Variants in MACROD2 observed in about 807,000 individuals in gnomAD.
The protein encoded by MACROD2 is ADP-ribose glycohydrolase MACROD2.
Under a neutral mutation model 70.4 loss-of-function variants are expected in MACROD2, and 36 were observed. The observed-to-expected ratio is 0.51, with a 90% CI of 0.39 to 0.68. MACROD2 has a LOEUF of 0.68. MACROD2 is among the 30% of genes least tolerant of loss of function. The pLI is 0.00. For missense variants in MACROD2, 496 were observed against 538.4 expected, an observed-to-expected ratio of 0.92 and a Z score of 0.78; for synonymous variants, 172 against 178.8, an observed-to-expected ratio of 0.96 and a Z score of 0.30.
chr20:15,111,439 G>T (rs1391576253), intron 5 of MACROD2, among the ~76,000 whole-genome samples: 2 of 151,928 alleles, frequency 1.3e-5, no homozygotes, highest in Non-Finnish European at 2.9e-5. Flanking sequence ...CAAAGTGCTG[G>T]GATTACAGGG....
At chr20:14,992,600 A>G (rs546121972) in intron 5 of MACROD2, among the ~76,000 whole-genome samples, 1 of 152,186 alleles carries the variant, frequency 6.6e-6, no homozygotes, top group East Asian at 1.9e-4. Context: ...AATTTACACA[A>G]ATTATTTTCT....
chr20:16,029,041 T>C (rs571041945), intron 15 of MACROD2, among the ~76,000 whole-genome samples: 6 of 152,320 alleles, frequency 3.9e-5, no homozygotes, highest in African/African-American at 1.4e-4. Flanking sequence ...ATTTGGTTTC[T>C]GGTGAAAATT....
chr20:14,059,033 A>G (rs1291378629), intron 2 of MACROD2, among the ~76,000 whole-genome samples: 3 of 151,974 alleles, frequency 2.0e-5, no homozygotes, highest in Non-Finnish European at 4.4e-5. Context: ...TTTTCTTTCT[A>G]CGTGTGTAGA....
In MACROD2 at chr20:15,984,360, A is replaced by G. The variant is rs957696960; in HGVS notation, c.986-2367A>G. 3.0e-4 allele frequency among the ~76,000 whole-genome samples: 45 copies of G among 151,976 alleles called. 1 individual carries two copies. The highest frequency in any genetic ancestry group is 2.9e-3 in the Admixed American group (45 of 15,272). ...ATCCACATTTTTATGTCCCTTTATA[A>G]TTTTTTTACTAAAGGTATATTTTAC... is the stretch of plus-strand genomic sequence containing the variant. On this transcript the variant is annotated intron_variant, in intron 13 of 17. Coordinates refer to ENST00000684519, the MANE Select transcript of MACROD2 (RefSeq NM_001351661.2).
chr20:16,041,522 G>A (rs2067307509), intron 16 of MACROD2, among the ~76,000 whole-genome samples: 1 of 151,784 alleles, frequency 6.6e-6, no homozygotes, highest in South Asian at 2.1e-4. Flanking sequence ...TTATAATACT[G>A]AGGACTCAAT....
chr20:14,871,043 A>G (rs1240629501), intron 5 of MACROD2, among the ~76,000 whole-genome samples: 1 of 152,142 alleles, frequency 6.6e-6, no homozygotes, highest in African/African-American at 2.4e-5. Context: ...CCTGAATGGT[A>G]CTGGTATACT....
At chr20:14,104,403 G>A (rs566839289) in intron 3 of MACROD2, among the ~76,000 whole-genome samples, 6 of 152,166 alleles carry the variant, frequency 3.9e-5, no homozygotes, top group African/African-American at 1.4e-4. Context: ...TCAGATAGCC[G>A]AAGTTCAATG....
At chr20:14,604,282 A>G (rs1982666069) in intron 4 of MACROD2, among the ~76,000 whole-genome samples, 1 of 152,170 alleles carries the variant, frequency 6.6e-6, no homozygotes, top group Admixed American at 6.5e-5. Flanking sequence ...ATTTCACTTG[A>G]GCCATTGGCT....
intron 8 of MACROD2, among the ~76,000 whole-genome samples, chr20:15,612,300 TAGA>T (rs2048980918): frequency 6.6e-6 from 1 of 152,230 alleles, no homozygotes; most frequent in Non-Finnish European, 1.5e-5. Flanking sequence ...CTGGCCTGGT[TAGA>T]AAAATGTTCT....
intron 6 of MACROD2, among the ~76,000 whole-genome samples, chr20:15,369,865 A>G (rs866629347): frequency 6.6e-6 from 1 of 152,178 alleles, no homozygotes; most frequent in African/African-American, 2.4e-5. Flanking sequence ...GAAAATAGAA[A>G]TGGAATTTTA....
At chr20:14,646,676 C>T (rs1048619247) in intron 4 of MACROD2, among the ~76,000 whole-genome samples, 2 of 151,900 alleles carry the variant, frequency 1.3e-5, no homozygotes, top group African/African-American at 4.8e-5. Flanking sequence ...TTGCTTTCAC[C>T]CTTTGCATCA....
chr20:14,931,690 C>T lies in MACROD2; in HGVS notation c.418+246731C>T, dbSNP rs373895880. 7.2e-5 allele frequency among the ~76,000 whole-genome samples: 11 copies of T among 151,906 alleles called. No individual in the cohort carries two copies. The East Asian group carries it at 9.7e-4, about 13-fold the overall frequency. On this transcript the variant is annotated intron_variant, in intron 5 of 17. Transcript: ENST00000684519. ...CTTTAAATTACTTCTGATATGTCCC[C>T]GATTTAAAAAAACAAAGGGTCAGTC...
chr20:14,824,158 G>A (rs1428848241), intron 5 of MACROD2, among the ~76,000 whole-genome samples: 3 of 152,060 alleles, frequency 2.0e-5, no homozygotes, highest in Non-Finnish European at 4.4e-5. Flanking sequence ...AAAGAGAGAG[G>A]GTTGTATATT....
In MACROD2 at chr20:15,901,370, A is replaced by G. The variant is rs62194162; in HGVS notation, c.775+15559A>G. On this transcript the variant is annotated intron_variant, in intron 10 of 17. Coordinates refer to ENST00000684519, the MANE Select transcript of MACROD2 (RefSeq NM_001351661.2). ...GATGGTGTGAAAGCAATAGGCATTC[A>G]GTAGAAATCTTTGGTTTTGAATTTT... is the stretch of plus-strand genomic sequence containing the variant. Among the ~76,000 whole-genome samples, 87 of 152,272 alleles carry G rather than the reference A, an allele frequency of 5.7e-4. 1 individual carries two copies. Among genetic ancestry groups the G allele is most frequent in the Non-Finnish European group, 9.9e-4 (67 of 68,016 alleles).
At chr20:15,550,958 A>G (rs2048087684) in intron 8 of MACROD2, among the ~76,000 whole-genome samples, 1 of 152,244 alleles carries the variant, frequency 6.6e-6, no homozygotes, top group Non-Finnish European at 1.5e-5. Context: ...GGAATGGGTT[A>G]AAAATGAAGC....
intron 3 of MACROD2, among the ~76,000 whole-genome samples, chr20:14,105,546 T>A (rs1304643558): frequency 3.3e-5 from 5 of 152,066 alleles, no homozygotes; most frequent in Non-Finnish European, 7.4e-5. Flanking sequence ...TGCTCTGGGG[T>A]CCTAGGTAAA....
intron 8 of MACROD2, among the ~76,000 whole-genome samples, chr20:15,656,982 A>G (rs2049740840): frequency 6.6e-6 from 1 of 152,170 alleles, no homozygotes; most frequent in Non-Finnish European, 1.5e-5. Flanking sequence ...TGATTTCTAA[A>G]TCTTTGACTC....
intron 5 of MACROD2, among the ~76,000 whole-genome samples, chr20:15,061,398 C>A (rs8116193): frequency 2.0e-5 from 3 of 152,176 alleles, no homozygotes; most frequent in Non-Finnish European, 4.4e-5. Flanking sequence ...GATACCTACC[C>A]GAGTGTGTGC....
intron 4 of MACROD2, among the ~76,000 whole-genome samples, chr20:14,640,815 A>C (rs564874722): frequency 6.6e-6 from 1 of 152,372 alleles, no homozygotes; most frequent in African/African-American, 2.4e-5. Context: ...AAATGCTAGC[A>C]ATCATCTGAG....
Sources: gnomAD v4.1 joint callset for allele counts (sites outside exome capture counted in the v4.1 genomes callset) on GRCh38, gnomAD v4.1.1 for gene constraint, MANE v1.5 for transcripts, NCBI Gene and HGNC (gene_info 2026-07-23, HGNC 2026-07-21) for gene names.